The following SEMA6D variants were observed in gnomAD, a reference collection of about 807,000 sequenced individuals.
The protein encoded by SEMA6D is semaphorin 6D.
Under a neutral mutation model 106.6 loss-of-function variants are expected in SEMA6D, and 35 were observed. The observed-to-expected ratio is 0.33, with a 90% CI of 0.25 to 0.44. SEMA6D has a LOEUF of 0.44. SEMA6D is among the 20% of genes least tolerant of loss of function. The pLI is 1.00. For missense variants in SEMA6D, 1,185 were observed against 1,345.9 expected, an observed-to-expected ratio of 0.88 and a Z score of 1.87; for synonymous variants, 499 against 487.7, an observed-to-expected ratio of 1.02 and a Z score of -0.31.
At chr15:47,235,269 T>C (rs1196804564) in intron 1 of SEMA6D, among the ~76,000 whole-genome samples, 1 of 152,082 alleles carries the variant, frequency 6.6e-6, no homozygotes, top group Non-Finnish European at 1.5e-5. Context: ...TTTGCAAATA[T>C]TTTCTTCCAT....
chr15:47,761,003 A>G lies in SEMA6D; in HGVS notation c.247A>G (p.Asn83Asp). ...GGATCAAGTTTATACAGTAAACTTAAATGAAATGCCCAAAACAGAAGTAAT... is the reference window on the plus strand; with the variant it reads ...GGATCAAGTTTATACAGTAAACTTAGATGAAATGCCCAAAACAGAAGTAAT... ...GRDQVYTVNL[N>D]EMPKTEVIPN... The change falls in exon 4 of 19, where the codon AAT becomes GAT. Residue 83 changes from asparagine (N) to aspartate (D), a missense_variant. Physicochemically the swap from Asn to Asp is conservative, Grantham distance 23. Around this residue, in one of 3 missense-constraint regions of SEMA6D, gnomAD observed 144 missense variants for 138.6 expected, o/e 1.04. Transcript: ENST00000536845. 6.2e-7 allele frequency: 1 copy of G among 1,613,530 alleles called. No individual in the cohort carries two copies. Among genetic ancestry groups the G allele is most frequent in the Non-Finnish European group, 8.5e-7 (1 of 1,179,648 alleles).
intron 1 of SEMA6D, among the ~76,000 whole-genome samples, chr15:47,211,128 T>C (rs2029966721): frequency 6.6e-6 from 1 of 152,162 alleles, no homozygotes; most frequent in Admixed American, 6.6e-5. Flanking sequence ...ATGCCAGTAA[T>C]AATATAATAA....
At chr15:47,224,945 A>C (rs983579615) in intron 1 of SEMA6D, among the ~76,000 whole-genome samples, 1 of 151,886 alleles carries the variant, frequency 6.6e-6, no homozygotes, top group Non-Finnish European at 1.5e-5. Flanking sequence ...GGTTTGTGTA[A>C]TAGCAGCAGA....
At chr15:47,343,990 A>G (rs908045930) in intron 1 of SEMA6D, among the ~76,000 whole-genome samples, 3 of 152,344 alleles carry the variant, frequency 2.0e-5, no homozygotes, top group East Asian at 1.9e-4. Context: ...AATGCACATC[A>G]TCACTGGCCA....
At chr15:47,369,302 T>A (rs1950346872) in intron 1 of SEMA6D, among the ~76,000 whole-genome samples, 1 of 152,214 alleles carries the variant, frequency 6.6e-6, no homozygotes, top group East Asian at 1.9e-4. Flanking sequence ...TGCATCTGGC[T>A]TAGAGCTCAG....
chr15:47,761,026 A>C lies in SEMA6D; in HGVS notation c.270A>C (p.Val90=). The change falls in exon 4 of 19, where the codon GTA becomes GTC. Residue 90 remains valine (V), a synonymous_variant. Transcript: ENST00000536845. ...TAAATGAAATGCCCAAAACAGAAGT[A>C]ATACCCAACAAGGTGAGCAACTGTA... is the stretch of plus-strand genomic sequence containing the variant. ...VNLNEMPKTE[V]IPNKKLTWRS... 6.2e-7 allele frequency: 1 copy of C among 1,613,590 alleles called. No homozygotes were observed. The highest frequency in any genetic ancestry group is 1.7e-5 in the Admixed American group (1 of 59,992).
chr15:47,212,422 C>T (rs185845424), intron 1 of SEMA6D, among the ~76,000 whole-genome samples: 12 of 152,256 alleles, frequency 7.9e-5, no homozygotes, highest in South Asian at 2.1e-4. Flanking sequence ...TTATCTCTGA[C>T]GGTGACGTTC....
At chr15:47,433,087 G>A (rs189069348) in intron 2 of SEMA6D, among the ~76,000 whole-genome samples, 1 of 152,038 alleles carries the variant, frequency 6.6e-6, no homozygotes, top group East Asian at 1.9e-4. Flanking sequence ...ATAAATAGTG[G>A]TATATTCCTC....
chr15:47,481,452 C>T (rs16959561), intron 3 of SEMA6D, among the ~76,000 whole-genome samples: 9,553 of 152,210 alleles, frequency 0.063, 593 homozygotes, highest in East Asian at 0.32. Flanking sequence ...TTTTTAGACA[C>T]CTGAACCCCA....
At chr15:47,570,290 A>G (rs2046347858) in intron 3 of SEMA6D, among the ~76,000 whole-genome samples, 2 of 152,154 alleles carry the variant, frequency 1.3e-5, no homozygotes. Context: ...GGCTGGTTCC[A>G]GGCTGGATGC....
intron 1 of SEMA6D, among the ~76,000 whole-genome samples, chr15:47,386,633 A>T (rs1248701014): frequency 6.6e-6 from 1 of 152,168 alleles, no homozygotes; most frequent in Non-Finnish European, 1.5e-5. Flanking sequence ...GACCTGTCTT[A>T]GTATTTTTAC....
chr15:47,663,693 G>A (rs111906269), intron 4 of SEMA6D, among the ~76,000 whole-genome samples: 2,768 of 152,226 alleles, frequency 0.018, 40 homozygotes, highest in Admixed American at 0.027. Flanking sequence ...AATTCGAGGC[G>A]CCTGTGAATG....
chr15:47,210,743 C>T (rs1180889573), intron 1 of SEMA6D, among the ~76,000 whole-genome samples: 5 of 120,924 alleles, frequency 4.1e-5, no homozygotes, highest in Admixed American at 1.2e-4. Context: ...CCAGCCTGGG[C>T]GACAGAGGGA....
At chr15:47,486,627 G>A (rs1437292059) in intron 3 of SEMA6D, among the ~76,000 whole-genome samples, 2 of 152,206 alleles carry the variant, frequency 1.3e-5, no homozygotes, top group Admixed American at 1.3e-4. Flanking sequence ...TATGCACCCT[G>A]CTGAAACCAG....
chr15:47,345,797 GATAGAAAACAAATC>G (rs1208844257), intron 1 of SEMA6D, among the ~76,000 whole-genome samples: 1 of 152,252 alleles, frequency 6.6e-6, no homozygotes, highest in East Asian at 1.9e-4. Flanking sequence ...TATCTGTTGT[GATAGAAAACAAATC>G]AGTGGTTACC....
chr15:47,195,532 A>C (rs778946266), intron 1 of SEMA6D, among the ~76,000 whole-genome samples: 1 of 152,082 alleles, frequency 6.6e-6, no homozygotes, highest in Non-Finnish European at 1.5e-5. Context: ...AAAATCAGAA[A>C]GTTTGCATGA....
chr15:47,316,830 G>A (rs2036700989), intron 1 of SEMA6D, among the ~76,000 whole-genome samples: 3 of 152,034 alleles, frequency 2.0e-5, no homozygotes, highest in Admixed American at 6.5e-5. Flanking sequence ...ATATTTTGTT[G>A]AAGTTTTTGC....
intron 1 of SEMA6D, among the ~76,000 whole-genome samples, chr15:47,408,004 A>G (rs1318634602): frequency 1.3e-5 from 2 of 152,156 alleles, no homozygotes. Flanking sequence ...GGGCCTCAGA[A>G]GGAGGGCAGT....
At chr15:47,770,383 C>T (rs1339063041) in intron 18 of SEMA6D, 114 bp from the exon 19 acceptor site, 18 of 826,310 alleles carry the variant, frequency 2.2e-5, no homozygotes, top group East Asian at 1.0e-4. Flanking sequence ...CTTGACCCTC[C>T]GAGCTAAGCA....
Sources: allele counts gnomAD v4.1 joint callset (sites outside exome capture counted in the v4.1 genomes callset), GRCh38; gene constraint gnomAD v4.1.1; regional missense constraint gnomAD v4.1.1; transcripts MANE v1.5; gene names NCBI Gene and HGNC (gene_info 2026-07-23, HGNC 2026-07-21).